Variants in BAZ1B observed in about 807,000 individuals in gnomAD.
BAZ1B encodes tyrosine-protein kinase BAZ1B.
In BAZ1B, 22 loss-of-function variants were observed where a neutral mutation model predicts 153.8. The ratio of observed to expected loss-of-function variants is 0.14; its 90% CI spans 0.10 to 0.20. The LOEUF is 0.20. Among genes scored for constraint, BAZ1B ranks in the 10% least tolerant of loss-of-function variants. The probability of loss-of-function intolerance (pLI) is 1.00; values close to 1 mark genes in which losing one functional copy is unlikely to be tolerated. For missense variants in BAZ1B, 1,325 were observed against 1,799.3 expected (o/e 0.74, Z 4.77); for synonymous variants, 676 against 633.4 (o/e 1.07, Z -1.01).
chr7:73,478,333 A>G lies in BAZ1B; in HGVS notation c.1128T>C (p.Asn376=). Residue 376 remains asparagine, a synonymous_variant, in exon 7 of 20, where the codon AAT becomes AAC. Coordinates refer to ENST00000339594, the MANE Select transcript of BAZ1B (RefSeq NM_032408.4). ...GAATGTGAAAGTTAGTGTGCAGCTT[A>G]TTGGGCGACATCATCTTCATCATTT... ...LEEMMKMMSP[N]KLHTNFHIPK... is the part of the protein sequence containing the mutation. The G allele has an allele frequency of 6.2e-7, 1 of 1,613,676 alleles. No homozygotes were observed. The highest frequency in any genetic ancestry group is 1.1e-5 in the South Asian group (1 of 90,972).
intron 5 of BAZ1B, among the ~76,000 whole-genome samples, chr7:73,490,272 T>C (rs576981812): frequency 3.0e-4 from 45 of 152,218 alleles, no homozygotes; most frequent in African/African-American, 1.1e-3. Flanking sequence ...TGGAAGAAAA[T>C]TTAATGACAT....
intron 7 of BAZ1B, among the ~76,000 whole-genome samples, chr7:73,475,332 C>G (rs189455317): frequency 6.6e-6 from 1 of 152,162 alleles, no homozygotes; most frequent in East Asian, 1.9e-4. Flanking sequence ...AAATGTTTAT[C>G]AAGTGATGAA....
At chr7:73,464,278 A>G (rs1788497191) in intron 11 of BAZ1B, 4 of 445,240 alleles carry the variant, frequency 9.0e-6, no homozygotes, top group Non-Finnish European at 1.2e-5. Flanking sequence ...CTTTGATAGA[A>G]ATAATGTCTA....
chr7:73,483,387 C>G (rs1479699784), intron 6 of BAZ1B, among the ~76,000 whole-genome samples: 1 of 152,188 alleles, frequency 6.6e-6, no homozygotes, highest in African/African-American at 2.4e-5. Context: ...CATATTGATT[C>G]TTATCTCACT....
intron 6 of BAZ1B, among the ~76,000 whole-genome samples, chr7:73,484,615 G>A (rs1219132713): frequency 2.0e-5 from 3 of 152,090 alleles, no homozygotes; most frequent in Non-Finnish European, 2.9e-5. Flanking sequence ...TGCACCTCCA[G>A]CCTGGGCAGA....
chr7:73,492,815 T>C lies in BAZ1B; in HGVS notation c.678A>G (p.Leu226=), dbSNP rs782497822. 1.7e-5 allele frequency: 27 copies of C among 1,604,654 alleles called. No individual in the cohort carries two copies. The Admixed American group carries it at 3.8e-4, about 22-fold the overall frequency. ...GTCAACTAACCTTATCTTCATTTTG[T>C]AGTTTCACATCATATTTGTGAGGCA... ...KFLPHKYDVK[L]QNEDKIISNV... Residue 226 remains leucine (L), a synonymous_variant, in exon 5 of 20, where the codon CTA becomes CTG. Transcript: ENST00000339594.
At chr7:73,456,169 A>G (rs1367879089) in intron 13 of BAZ1B, among the ~76,000 whole-genome samples, 1 of 152,228 alleles carries the variant, frequency 6.6e-6, no homozygotes, top group Non-Finnish European at 1.5e-5. Flanking sequence ...AAATGATCAA[A>G]GACCTAAATG....
chr7:73,444,104 G>GC lies in BAZ1B; in HGVS notation c.3869dup (p.Lys1291GlnfsTer17). 1 of 1,605,942 alleles carries GC rather than the reference G, an allele frequency of 6.2e-7. No homozygotes were observed. Among genetic ancestry groups the GC allele is most frequent in the Non-Finnish European group, 8.5e-7 (1 of 1,177,024 alleles). On this transcript the variant is annotated frameshift_variant, in exon 17 of 20. Coordinates refer to ENST00000339594, the MANE Select transcript of BAZ1B (RefSeq NM_032408.4). LOFTEE classifies it high-confidence loss of function. ...CTGCAGGGGGGATGACGCTGTGCTT[G>GC]CCCCGGATGGTCTTTCGAGGTCTCA...
chr7:73,493,554 A>C (rs551598204), intron 4 of BAZ1B, among the ~76,000 whole-genome samples: 38 of 149,374 alleles, frequency 2.5e-4, no homozygotes, highest in African/African-American at 9.4e-4. Context: ...TAAGAATATG[A>C]CTTGGGCCAG....
At chr7:73,456,649 G>C (rs1554569567) in intron 13 of BAZ1B, among the ~76,000 whole-genome samples, 1 of 152,048 alleles carries the variant, frequency 6.6e-6, no homozygotes, top group East Asian at 1.9e-4. Context: ...CAGGACATTA[G>C]TATTGGCAAA....
chr7:73,487,377 T>C (rs149860940), intron 6 of BAZ1B, among the ~76,000 whole-genome samples: 1,679 of 152,270 alleles, frequency 0.011, 14 homozygotes, highest in Non-Finnish European at 0.02. Context: ...TGCAGTGAAC[T>C]GTGATTGTCC....
chr7:73,452,027 AT>A (rs576402342), intron 13 of BAZ1B, among the ~76,000 whole-genome samples: 14 of 152,364 alleles, frequency 9.2e-5, no homozygotes, highest in African/African-American at 3.4e-4. Context: ...GAAAACAGTC[AT>A]GGGCAGTCCT....
intron 13 of BAZ1B, among the ~76,000 whole-genome samples, chr7:73,459,316 T>C (rs799217): frequency 0.062 from 9,236 of 148,302 alleles, 318 homozygotes; most frequent in African/African-American, 0.08. Context: ...ACTGTGACCA[T>C]CACCCAATGA....
Position 73,444,025 on chromosome 7 carries a change from G to A in BAZ1B, c.3949C>T (p.Pro1317Ser). 6.2e-7 allele frequency: 1 copy of A among 1,613,856 alleles called. No homozygotes were observed. The highest frequency in any genetic ancestry group is 8.5e-7 in the Non-Finnish European group (1 of 1,179,914). Residue 1317 changes from proline to serine, a missense_variant, in exon 17 of 20, where the codon CCC (proline) becomes TCC (serine). Coordinates refer to ENST00000339594, the MANE Select transcript of BAZ1B (RefSeq NM_032408.4). ...GCATCATCCACAGGTGGTGCCTTGG[G>A]CTGAGACCTCCTGGTAGAGTGTGGC... ...KKPHSTRRSQ[P>S]KAPPVDDAEV...
chr7:73,500,431 TAC>T (rs1790079949), intron 3 of BAZ1B, among the ~76,000 whole-genome samples: 1 of 151,996 alleles, frequency 6.6e-6, no homozygotes, highest in African/African-American at 2.4e-5. Context: ...TGATTCCAGC[TAC>T]TAGGGAGGCT....
chr7:73,495,860 C>G (rs1789858272), intron 4 of BAZ1B, among the ~76,000 whole-genome samples: 1 of 152,146 alleles, frequency 6.6e-6, no homozygotes, highest in African/African-American at 2.4e-5. Flanking sequence ...AGGGGAACAA[C>G]ACACACTCAG....
intron 3 of BAZ1B, among the ~76,000 whole-genome samples, chr7:73,500,902 A>C (rs1290377330): frequency 1.2e-4 from 18 of 151,266 alleles, no homozygotes; most frequent in Admixed American, 2.6e-4. Flanking sequence ...AAAAAAAAAA[A>C]AAAACAGAGT....
intron 7 of BAZ1B, among the ~76,000 whole-genome samples, chr7:73,472,344 C>T (rs1554572114): frequency 1.3e-5 from 2 of 151,756 alleles, no homozygotes; most frequent in Non-Finnish European, 2.9e-5. Flanking sequence ...CCGCAACCTC[C>T]GCCTGCCGGG....
At position 73,492,890 on chromosome 7, in the gene BAZ1B, A is replaced by G. The variant is rs1789708270; in HGVS notation, c.603T>C (p.Leu201=). ...TTTCTCCTTTTTTTAATGAAGTAGGAAGTTTTCGTGGCGATCTACGTGCTC... is the reference window on the plus strand; with the variant it reads ...TTTCTCCTTTTTTTAATGAAGTAGGGAGTTTTCGTGGCGATCTACGTGCTC... The part of the protein sequence containing the change: ...NDRARRSPRK[L]PTSLKKGERK... Residue 201 remains leucine, a synonymous_variant, in exon 5 of 20, where the codon CTT becomes CTC. Coordinates refer to ENST00000339594, the MANE Select transcript of BAZ1B (RefSeq NM_032408.4). 1 of 1,610,824 alleles carries G rather than the reference A, an allele frequency of 6.2e-7. No homozygotes were observed. The highest frequency in any genetic ancestry group is 1.1e-5 in the South Asian group (1 of 90,120).
Sources: allele counts gnomAD v4.1 joint callset (sites outside exome capture counted in the v4.1 genomes callset), GRCh38; gene constraint gnomAD v4.1.1; transcripts MANE v1.5; gene names NCBI Gene and HGNC (gene_info 2026-07-23, HGNC 2026-07-21).